The following PLEKHA6 variants were observed in gnomAD, a reference collection of about 807,000 sequenced individuals.
PLEKHA6 encodes the protein pleckstrin homology domain containing A6.
Under a neutral mutation model 116.7 loss-of-function variants are expected in PLEKHA6, and 60 were observed. That is an observed-to-expected ratio of 0.51 (90% CI 0.42 to 0.64). The LOEUF is 0.64. PLEKHA6 is among the 30% of genes least tolerant of loss of function. PLEKHA6 has a pLI of 0.00. For missense variants in PLEKHA6, 1,338 were observed against 1,422.7 expected (o/e 0.94, Z 0.96); for synonymous variants, 489 against 556.1 (o/e 0.88, Z 1.70).
At chr1:204,333,105 C>A (rs543231069) in intron 1 of PLEKHA6, among the ~76,000 whole-genome samples, 3 of 152,320 alleles carry the variant, frequency 2.0e-5, no homozygotes, top group Non-Finnish European at 4.4e-5. Context: ...CCCCAGGCCT[C>A]GGGCACCCTG....
chr1:204,268,297 G>C lies in PLEKHA6; in HGVS notation c.118C>G (p.Arg40Gly), dbSNP rs369254044. Residue 40 changes from arginine to glycine, a missense_variant, in exon 4 of 23, where the codon CGC becomes GGC. Coordinates refer to ENST00000272203, the MANE Select transcript of PLEKHA6 (RefSeq NM_014935.5). ...RPSVRATRTA[R>G]KAVAFGKRSH... The stretch of plus-strand genomic sequence containing the variant: ...CGCTTGCCAAAGGCGACGGCTTTGC[G>C]GGCTGTGCGAGTTGCCTGGGGGCAG... 1 of 1,608,612 alleles carries C rather than the reference G, an allele frequency of 6.2e-7. No homozygotes were observed. The highest frequency in any genetic ancestry group is 2.2e-5 in the East Asian group (1 of 44,510).
intron 1 of PLEKHA6, among the ~76,000 whole-genome samples, chr1:204,280,152 C>T (rs911918256): frequency 1.3e-5 from 2 of 152,136 alleles, no homozygotes; most frequent in African/African-American, 2.4e-5. Context: ...TTTGTCTCTG[C>T]ACCTATTTAA....
At chr1:204,358,931 G>A (rs925367028) in intron 1 of PLEKHA6, among the ~76,000 whole-genome samples, 3 of 63,754 alleles carry the variant, frequency 4.7e-5, no homozygotes, top group African/African-American at 6.3e-5. Flanking sequence ...GTCTCGCCCC[G>A]CTTCCCTCCC....
intron 13 of PLEKHA6, among the ~76,000 whole-genome samples, chr1:204,246,022 C>T (rs183887718): frequency 3.5e-4 from 53 of 152,270 alleles, no homozygotes; most frequent in African/African-American, 1.2e-3. Context: ...GGGTGGTTTT[C>T]GAGTGAATGC....
chr1:204,329,386 A>G (rs1318152767), intron 1 of PLEKHA6, among the ~76,000 whole-genome samples: 1 of 152,188 alleles, frequency 6.6e-6, no homozygotes, highest in Non-Finnish European at 1.5e-5. Context: ...AGCCTCTACC[A>G]CAACACCTCC....
chr1:204,303,896 G>A (rs1572141639), intron 1 of PLEKHA6, among the ~76,000 whole-genome samples: 1 of 151,938 alleles, frequency 6.6e-6, no homozygotes, highest in African/African-American at 2.4e-5. Flanking sequence ...GTATTTTTTT[G>A]TAGAGACGGG....
At chr1:204,328,603 A>C (rs1481720141) in intron 1 of PLEKHA6, among the ~76,000 whole-genome samples, 1 of 144,000 alleles carries the variant, frequency 6.9e-6, no homozygotes, top group Non-Finnish European at 1.5e-5. Context: ...TCAGGCTAGT[A>C]TCAAACTCCC....
chr1:204,311,850 T>C (rs1376930302), intron 1 of PLEKHA6: 1 of 167,546 alleles, frequency 6.0e-6, no homozygotes, highest in Non-Finnish European at 1.2e-5. Flanking sequence ...ATCCTTAAAC[T>C]CAGAAAATGC....
In PLEKHA6 at chr1:204,228,945, T is replaced by C; in HGVS notation, c.2743A>G (p.Asn915Asp). 1 of 1,614,066 alleles carries C rather than the reference T, an allele frequency of 6.2e-7. No homozygotes were observed. Among genetic ancestry groups the C allele is most frequent in the East Asian group, 2.2e-5 (1 of 44,872 alleles). ...LEPQHYDVDI[N>D]KELSTPDKVL... ...TTCCTGGCTCCACTCACCTCCTTAT[T>C]GATGTCCACGTCATAATGCTGGGGC... The change falls in exon 19 of 23, where the codon AAT becomes GAT. Residue 915 changes from asparagine to aspartate, a missense_variant. Coordinates refer to ENST00000272203, the MANE Select transcript of PLEKHA6 (RefSeq NM_014935.5). This position sits in a 1 kb window ranked among gnomAD's most constrained non-coding sequence, Gnocchi z 4.0.
intron 1 of PLEKHA6, among the ~76,000 whole-genome samples, chr1:204,340,055 A>C (rs1197430802): frequency 6.6e-6 from 1 of 152,238 alleles, no homozygotes; most frequent in Non-Finnish European, 1.5e-5. Flanking sequence ...CTTTTTTAAA[A>C]GTACAAGTTA....
At chr1:204,311,469 C>A in intron 1 of PLEKHA6, 1 of 275,086 alleles carries the variant, frequency 3.6e-6, no homozygotes, top group Non-Finnish European at 5.5e-6. Context: ...CCAACCTGGG[C>A]AACAAGAGCG....
chr1:204,336,393 A>G (rs1397374572), intron 1 of PLEKHA6, among the ~76,000 whole-genome samples: 1 of 152,176 alleles, frequency 6.6e-6, no homozygotes. Flanking sequence ...GTCTTTTACA[A>G]TCCAGCCCCA....
At chr1:204,251,566 C>T in intron 9 of PLEKHA6, 1 of 702,946 alleles carries the variant, frequency 1.4e-6, no homozygotes, top group South Asian at 1.5e-5. Context: ...GAGGAGTTTT[C>T]CACCATGCGG....
Position 204,259,671 on chromosome 1 carries a change from G to A in PLEKHA6, c.594C>T (p.Leu198=), listed in dbSNP as rs1665856515. The A allele has an allele frequency of 9.3e-6, 15 of 1,614,160 alleles. No homozygotes were observed. Among genetic ancestry groups the A allele is most frequent in the Non-Finnish European group, 1.2e-5 (14 of 1,180,034 alleles). The change falls in exon 8 of 23, where the codon CTC becomes CTT. Residue 198 remains leucine (L), a synonymous_variant. Transcript: ENST00000272203. The surrounding 1 kb of genome is among the most constrained non-coding windows in gnomAD (Gnocchi z 4.6). ...TCTTGGCCTCTGGCTCAGGCTTAGG[G>A]AGGCTGTTGTGGGGTGGCTGCTGGT... is the stretch of plus-strand genomic sequence containing the variant. ...KHHQQPPHNS[L]PKPEPEAKTR... is the part of the protein sequence containing the mutation.
intron 1 of PLEKHA6, among the ~76,000 whole-genome samples, chr1:204,314,865 G>A (rs1671795545): frequency 6.6e-6 from 1 of 152,208 alleles, no homozygotes; most frequent in South Asian, 2.1e-4. Flanking sequence ...ACTCAGGGAT[G>A]GATCTAGGTC....
chr1:204,273,684 C>T lies in PLEKHA6; in HGVS notation c.44G>A (p.Ser15Asn). Residue 15 changes from serine (S) to asparagine (N), a missense_variant, in exon 3 of 23, where the codon AGT becomes AAT. Coordinates refer to ENST00000272203, the MANE Select transcript of PLEKHA6 (RefSeq NM_014935.5). ...TGGKRPATTN[S>N]DIPNHNMVSE... ...CACCATGTTGTGGTTGGGTATGTCA[C>T]TGTTGGTGGTAGCCGGGCGTTTCCC... is the stretch of plus-strand genomic sequence containing the variant. 1 of 1,614,204 alleles carries T rather than the reference C, an allele frequency of 6.2e-7. No individual in the cohort carries two copies.
chr1:204,300,482 T>C (rs914814924), intron 1 of PLEKHA6, among the ~76,000 whole-genome samples: 1 of 152,252 alleles, frequency 6.6e-6, no homozygotes, highest in African/African-American at 2.4e-5. Context: ...TGGATTCTTC[T>C]TGTAAGCCAC....
At chr1:204,314,504 C>T (rs1671779482) in intron 1 of PLEKHA6, among the ~76,000 whole-genome samples, 1 of 152,158 alleles carries the variant, frequency 6.6e-6, no homozygotes, top group East Asian at 1.9e-4. Context: ...TCCTAACTGG[C>T]CACCACTCCC....
intron 1 of PLEKHA6, among the ~76,000 whole-genome samples, chr1:204,336,159 C>T (rs1175402613): frequency 6.6e-6 from 1 of 152,222 alleles, no homozygotes; most frequent in African/African-American, 2.4e-5. Flanking sequence ...TCATCACCAA[C>T]CAATCTTCCC....
Sources: allele counts gnomAD v4.1 joint callset (sites outside exome capture counted in the v4.1 genomes callset), GRCh38; gene constraint gnomAD v4.1.1; non-coding constraint Gnocchi (gnomAD v3.1); transcripts MANE v1.5; gene names NCBI Gene and HGNC (gene_info 2026-07-23, HGNC 2026-07-21).